Variants in ECT2L observed in about 807,000 individuals in gnomAD.
ECT2L encodes the protein epithelial cell transforming 2 like.
A neutral mutation model predicts 122.8 loss-of-function variants in ECT2L; 126 were observed. The observed-to-expected ratio is 1.03, with a 90% CI of 0.89 to 1.19. ECT2L has a LOEUF of 1.19. ECT2L is among the 50% of genes most tolerant of loss of function. The pLI is 0.00. For missense variants in ECT2L, 1,012 were observed against 1,064.1 expected (o/e 0.95, Z 0.68); for synonymous variants, 385 against 381.8 (o/e 1.01, Z -0.10).
chr6:138,866,431 A>G (rs1430682702), intron 12 of ECT2L, among the ~76,000 whole-genome samples: 1 of 152,072 alleles, frequency 6.6e-6, no homozygotes, highest in African/African-American at 2.4e-5. Flanking sequence ...TTGCATTTTT[A>G]GTAGAGATGG....
chr6:138,824,274 G>A (rs1373173681), intron 4 of ECT2L, among the ~76,000 whole-genome samples: 1 of 151,246 alleles, frequency 6.6e-6, no homozygotes, highest in African/African-American at 2.4e-5. Context: ...GTAACTTCCT[G>A]TGAATTTATA....
Position 138,865,008 on chromosome 6 carries a change from G to C in ECT2L, c.1304G>C (p.Trp435Ser). The stretch of plus-strand genomic sequence containing the variant: ...AAAATCATGTCAGTTCTTAGTGATT[G>C]GCTGGGATCCCAATGGGGAAAGGCC... Reference protein sequence around the residue: ...TGSYQHILSDWLGSQWGKAPS... With the variant: ...TGSYQHILSDSLGSQWGKAPS... Residue 435 changes from tryptophan (W) to serine (S), a missense_variant, in exon 12 of 22, where the codon TGG becomes TCG. Physicochemically the swap from Trp to Ser is radical, Grantham distance 177. Transcript: ENST00000541398. 1.9e-6 allele frequency: 3 copies of C among 1,612,832 alleles called. No individual in the cohort carries two copies. Among genetic ancestry groups the C allele is most frequent in the Non-Finnish European group, 2.5e-6 (3 of 1,179,672 alleles).
Position 138,901,035 on chromosome 6 carries a change from TGA to T in ECT2L, c.2506_2507del (p.Arg836AspfsTer40). On this transcript the variant is annotated frameshift_variant, in exon 21 of 22. Transcript: ENST00000541398. LOFTEE classifies it high-confidence loss of function. ...GTCGGGGCACATCTCACACTCCATT[TGA>T]GAGGACTTCAAAAACAACCTACCAG... Reference protein sequence around the residue: ...SSRGTSHTPFERTSKTTYQFI... With the variant: ...SSRGTSHTPFXRTSKTTYQFI... 1.2e-6 allele frequency: 2 copies of T among 1,614,196 alleles called. No individual in the cohort carries two copies. The highest frequency in any genetic ancestry group is 1.7e-6 in the Non-Finnish European group (2 of 1,180,024).
In ECT2L at chr6:138,868,207, G is replaced by C; in HGVS notation, c.1578+1G>C. 5.6e-6 allele frequency: 9 copies of C among 1,607,098 alleles called. No homozygotes were observed. The highest frequency in any genetic ancestry group is 7.6e-6 in the Non-Finnish European group (9 of 1,176,788). Reference sequence around the variant, plus strand: ...GATGGAGTTGTCAAAAGAAGATTCTGTAAGTGTTTCTTTGAAGAAAGTAAA... The same window carrying C: ...GATGGAGTTGTCAAAAGAAGATTCTCTAAGTGTTTCTTTGAAGAAAGTAAA... On this transcript the variant is annotated splice_donor_variant, in intron 13 of 21. Transcript: ENST00000541398. LOFTEE classifies it high-confidence loss of function.
rs968041170 is a variant in ECT2L, at chr6:138,838,333, A to C, written c.180-19A>C. 5 of 1,564,528 alleles carry C rather than the reference A, an allele frequency of 3.2e-6. No individual in the cohort carries two copies. The Admixed American group carries it at 1.0e-4, about 33-fold the overall frequency. ...TTTTAGACATTAGTGTTCTAAACTA[A>C]ATTTCTCTTTCTTTTTAGGTTTGTC... On this transcript the variant is annotated intron_variant, in intron 4 of 21. Transcript: ENST00000541398.
chr6:138,817,290 C>T (rs927952081), intron 4 of ECT2L, among the ~76,000 whole-genome samples: 1 of 152,130 alleles, frequency 6.6e-6, no homozygotes, highest in African/African-American at 2.4e-5. Flanking sequence ...CTTAGCTATA[C>T]ATATAGGAGT....
chr6:138,877,154 A>G (rs1778480068), intron 14 of ECT2L, among the ~76,000 whole-genome samples: 1 of 152,088 alleles, frequency 6.6e-6, no homozygotes, highest in South Asian at 2.1e-4. Context: ...AAGAAAAGTT[A>G]CATGGGGGAA....
At chr6:138,895,307 ACCATATATGTTAGCTTCT>A (rs1385766029) in intron 20 of ECT2L, among the ~76,000 whole-genome samples, 1 of 152,148 alleles carries the variant, frequency 6.6e-6, no homozygotes, top group Non-Finnish European at 1.5e-5. Context: ...TTTACTCTTT[ACCATATATGTTAGCTTCT>A]CTCATTTGAT....
intron 4 of ECT2L, among the ~76,000 whole-genome samples, chr6:138,825,350 C>A (rs533586343): frequency 1.3e-5 from 2 of 152,232 alleles, no homozygotes; most frequent in South Asian, 2.1e-4. Context: ...GAGGCTGAGG[C>A]GGGTGGATCA....
chr6:138,837,868 C>T (rs1213124430), intron 4 of ECT2L, among the ~76,000 whole-genome samples: 1 of 150,530 alleles, frequency 6.6e-6, no homozygotes, highest in Non-Finnish European at 1.5e-5. Flanking sequence ...TGTTCTTTGT[C>T]TTCCTTTTTA....
intron 5 of ECT2L, among the ~76,000 whole-genome samples, chr6:138,842,526 C>T (rs1294172474): frequency 6.6e-6 from 1 of 151,688 alleles, no homozygotes; most frequent in Non-Finnish European, 1.5e-5. Context: ...AATCCCAGCA[C>T]TTTGGGAGGC....
At chr6:138,895,158 T>A (rs1779166819) in intron 20 of ECT2L, among the ~76,000 whole-genome samples, 1 of 152,136 alleles carries the variant, frequency 6.6e-6, no homozygotes. Flanking sequence ...ATACTTAGCC[T>A]GCAACCTTGT....
chr6:138,871,608 C>T (rs1187852447), intron 13 of ECT2L, among the ~76,000 whole-genome samples: 1 of 152,100 alleles, frequency 6.6e-6, no homozygotes, highest in Non-Finnish European at 1.5e-5. Flanking sequence ...GAATTTGAGA[C>T]CAGCCTGGCC....
intron 4 of ECT2L, among the ~76,000 whole-genome samples, chr6:138,837,357 A>G (rs796812668): frequency 1.7e-4 from 26 of 152,234 alleles, no homozygotes; most frequent in African/African-American, 6.3e-4. Context: ...CCCCTTCTGC[A>G]CACGGCTATT....
intron 4 of ECT2L, among the ~76,000 whole-genome samples, chr6:138,835,986 C>T (rs546682499): frequency 7.9e-5 from 12 of 152,010 alleles, no homozygotes; most frequent in Non-Finnish European, 1.5e-5. Flanking sequence ...GAATGACCCT[C>T]GATTTCTGGT....
intron 9 of ECT2L, among the ~76,000 whole-genome samples, chr6:138,852,728 T>C (rs1173014618): frequency 6.6e-6 from 1 of 152,190 alleles, no homozygotes; most frequent in African/African-American, 2.4e-5. Context: ...CCACATCAGT[T>C]TTCTATGTCC....
chr6:138,826,395 A>G (rs1057421622), intron 4 of ECT2L, among the ~76,000 whole-genome samples: 3 of 152,206 alleles, frequency 2.0e-5, no homozygotes, highest in African/African-American at 7.2e-5. Context: ...AATTAAAACT[A>G]TAATGATATA....
chr6:138,824,568 C>CAAAAAAA (rs375064265), intron 4 of ECT2L, among the ~76,000 whole-genome samples: 1 of 91,692 alleles, frequency 1.1e-5, no homozygotes, highest in African/African-American at 4.0e-5. Flanking sequence ...TAAAAAAAAA[C>CAAAAAAA]AAAAAACAAA....
At chr6:138,847,604 C>T (rs1369712480) in intron 8 of ECT2L, among the ~76,000 whole-genome samples, 1 of 149,808 alleles carries the variant, frequency 6.7e-6, no homozygotes, top group East Asian at 2.0e-4. Context: ...GTCTCGATCT[C>T]CTGACCTCGT....
Sources: allele counts gnomAD v4.1 joint callset (sites outside exome capture counted in the v4.1 genomes callset), GRCh38; gene constraint gnomAD v4.1.1; transcripts MANE v1.5; gene names NCBI Gene and HGNC (gene_info 2026-07-23, HGNC 2026-07-21).